Variants in MRPL45 observed in about 807,000 individuals in gnomAD.
The protein encoded by MRPL45 is mitochondrial ribosomal protein L45, also known as large ribosomal subunit protein mL45.
In MRPL45, 20 loss-of-function variants were observed where a neutral mutation model predicts 38.1. The observed-to-expected ratio is 0.53, with a 90% confidence interval of 0.37 to 0.76. The LOEUF (loss-of-function observed/expected upper bound fraction) is 0.76, where lower values mean the gene tolerates loss of function less well. Ranked by LOEUF, MRPL45 falls within the 30% of genes least tolerant of loss-of-function variation. The pLI is 0.00. For synonymous variants in MRPL45, 105 were observed against 128.8 expected, an observed-to-expected ratio of 0.82 and a Z score of 1.25; for missense variants, 337 against 395.6, an observed-to-expected ratio of 0.85 and a Z score of 1.26.
At chr17:38,313,350 A>G (rs1343664798) in intron 4 of MRPL45, among the ~76,000 whole-genome samples, 19 of 18,448 alleles carry the variant, frequency 1.0e-3, no homozygotes, top group African/African-American at 2.0e-3. Flanking sequence ...ATATATACGT[A>G]TATATATATA....
In MRPL45 at chr17:38,301,397, C is replaced by T. The variant is rs185959931; in HGVS notation, c.362+1929C>T. Reference sequence around the variant, plus strand: ...CTGGGATTACAGGCATGTGCCACCACGTCTGGCTAATTTTGTATTTTTAAT... The same window carrying T: ...CTGGGATTACAGGCATGTGCCACCATGTCTGGCTAATTTTGTATTTTTAAT... On this transcript the variant is annotated intron_variant, in intron 3 of 7. Coordinates refer to ENST00000613675, the MANE Select transcript of MRPL45 (RefSeq NM_032351.6). Among the ~76,000 whole-genome samples the T allele has an allele frequency of 2.4e-3, 362 of 152,232 alleles. 2 individuals carry two copies. The highest frequency in any genetic ancestry group is 5.9e-4 in the Non-Finnish European group (40 of 68,012).
chr17:38,317,649 G>A (rs1037260153), intron 4 of MRPL45, among the ~76,000 whole-genome samples: 1 of 151,774 alleles, frequency 6.6e-6, no homozygotes, highest in Non-Finnish European at 1.5e-5. Flanking sequence ...TCAGCTCACC[G>A]CAACCTCCGC....
intron 4 of MRPL45, among the ~76,000 whole-genome samples, chr17:38,316,770 A>G (rs2144233551): frequency 6.9e-6 from 1 of 144,576 alleles, no homozygotes; most frequent in African/African-American, 2.5e-5. Flanking sequence ...AAAAAGCAAA[A>G]GTGTATTTGT....
In MRPL45 at chr17:38,322,151, G is replaced by A. The variant is rs1567719675; in HGVS notation, c.686G>A (p.Gly229Asp). ...ACTCTGGCCATCTATGACCGGTTTG[G>A]CCGGTTGATGTATGGACAGGAAGAT... is the stretch of plus-strand genomic sequence containing the variant. ...RQTLAIYDRF[G>D]RLMYGQEDVP... Residue 229 changes from glycine (G) to aspartate (D), a missense_variant, in exon 7 of 8, where the codon GGC becomes GAC. Coordinates refer to ENST00000613675, the MANE Select transcript of MRPL45 (RefSeq NM_032351.6). 1.2e-6 allele frequency: 2 copies of A among 1,614,142 alleles called. No individual in the cohort carries two copies. Among genetic ancestry groups the A allele is most frequent in the Non-Finnish European group, 1.7e-6 (2 of 1,180,012 alleles).
chr17:38,314,221 C>T (rs917675917), intron 4 of MRPL45, among the ~76,000 whole-genome samples: 2 of 152,172 alleles, frequency 1.3e-5, no homozygotes, highest in African/African-American at 4.8e-5. Flanking sequence ...TCTCCTGCCT[C>T]AGCCTCCTGA....
intron 5 of MRPL45, 87 bp downstream of exon 5, chr17:38,318,822 CTTTTCTTTTTTTT>C (rs2037200578): frequency 3.6e-4 from 206 of 576,222 alleles, no homozygotes; most frequent in Middle Eastern, 7.3e-4. Flanking sequence ...CTTTTCTTTT[CTTTTCTTTTTTTT>C]TTTTTTTTTG....
chr17:38,300,451 G>A (rs1269181460), intron 3 of MRPL45, among the ~76,000 whole-genome samples: 15 of 151,996 alleles, frequency 9.9e-5, no homozygotes, highest in Admixed American at 3.9e-4. Flanking sequence ...GGTGTGACCC[G>A]TCACACCCAG....
intron 1 of MRPL45, 113 bp downstream of exon 1, chr17:38,297,362 T>C (rs2036947219): frequency 9.6e-7 from 1 of 1,037,490 alleles, no homozygotes; most frequent in Admixed American, 2.0e-5. Flanking sequence ...GAGTCATACC[T>C]AGGCCGGGGA....
At chr17:38,306,168 G>A (rs1265918062) in intron 3 of MRPL45, among the ~76,000 whole-genome samples, 1 of 151,800 alleles carries the variant, frequency 6.6e-6, no homozygotes, top group African/African-American at 2.4e-5. Context: ...CCAGGACTTT[G>A]GGAGGCCGAG....
At chr17:38,313,080 G>A (rs2037129024) in intron 4 of MRPL45, among the ~76,000 whole-genome samples, 1 of 148,026 alleles carries the variant, frequency 6.8e-6, no homozygotes, top group Non-Finnish European at 1.5e-5. Flanking sequence ...CGCCTGCCGG[G>A]TTCAAGCCAT....
intron 5 of MRPL45, among the ~76,000 whole-genome samples, chr17:38,320,149 A>C (rs1249471617): frequency 6.6e-6 from 1 of 152,128 alleles, no homozygotes; most frequent in East Asian, 1.9e-4. Context: ...CTATCAGTAG[A>C]ACTTCAGTTT....
At chr17:38,306,212 A>G (rs925399563) in intron 3 of MRPL45, among the ~76,000 whole-genome samples, 2 of 151,660 alleles carry the variant, frequency 1.3e-5, no homozygotes, top group African/African-American at 4.8e-5. Flanking sequence ...GATCGAGACC[A>G]TCCTGGCTAA....
Position 38,298,405 on chromosome 17 carries a change from G to A in MRPL45, c.67-44G>A, listed in dbSNP as rs773024537. 1.1e-5 allele frequency: 15 copies of A among 1,362,904 alleles called. No homozygotes were observed. The East Asian group carries it at 3.3e-4, about 30-fold the overall frequency. 84.4% of individuals were successfully genotyped at this position (1,362,904 alleles called of 1,614,324 possible). On this transcript the variant is annotated intron_variant, in intron 1 of 7. Coordinates refer to ENST00000613675, the MANE Select transcript of MRPL45 (RefSeq NM_032351.6). ...CTTTGCTTAGAGTTTGTAAAAGATA[G>A]TAGATCTTTTTTCTAGGTTCCTAAC...
At chr17:38,304,883 G>A (rs2037035811) in intron 3 of MRPL45, among the ~76,000 whole-genome samples, 1 of 131,886 alleles carries the variant, frequency 7.6e-6, no homozygotes, top group South Asian at 2.4e-4. Flanking sequence ...GTCTCGCTCT[G>A]TCACCCAGGC....
chr17:38,305,548 G>A (rs1237009198), intron 3 of MRPL45, among the ~76,000 whole-genome samples: 18 of 148,802 alleles, frequency 1.2e-4, no homozygotes, highest in East Asian at 1.2e-3. Flanking sequence ...CCAGGCTGGA[G>A]TGCAGTGGCG....
intron 4 of MRPL45, among the ~76,000 whole-genome samples, chr17:38,315,270 A>G (rs144960798): frequency 2.6e-5 from 4 of 152,228 alleles, no homozygotes; most frequent in Non-Finnish European, 4.4e-5. Flanking sequence ...TTTATTTTAA[A>G]GTCAGGGTCT....
At chr17:38,299,064 A>G (rs1445206028) in intron 2 of MRPL45, among the ~76,000 whole-genome samples, 1 of 150,174 alleles carries the variant, frequency 6.7e-6, no homozygotes, top group Non-Finnish European at 1.5e-5. Flanking sequence ...TAATTTTTGT[A>G]TTTTTAGTAG....
intron 4 of MRPL45, among the ~76,000 whole-genome samples, chr17:38,314,547 T>G (rs1026539365): frequency 6.6e-5 from 10 of 152,242 alleles, no homozygotes; most frequent in African/African-American, 2.4e-4. Flanking sequence ...AAATCCAGTG[T>G]CATGAAGTAT....
chr17:38,311,918 A>G (rs1363921595), intron 4 of MRPL45, among the ~76,000 whole-genome samples: 5 of 152,158 alleles, frequency 3.3e-5, no homozygotes, highest in Non-Finnish European at 7.3e-5. Flanking sequence ...GAAGGCATCT[A>G]GGTACCTCAC....
Sources: allele counts gnomAD v4.1 joint callset (sites outside exome capture counted in the v4.1 genomes callset), GRCh38; gene constraint gnomAD v4.1.1; transcripts MANE v1.5; gene names NCBI Gene and HGNC (gene_info 2026-07-23, HGNC 2026-07-21).